LRRC49: variants seen among roughly 807,000 people sequenced by gnomAD.
The protein encoded by LRRC49 is leucine-rich repeat-containing protein 49.
LRRC49 carries 50 observed loss-of-function variants against 83.3 expected under a neutral mutation model. That is an observed-to-expected ratio of 0.60 (90% CI 0.48 to 0.76). LRRC49 has a LOEUF of 0.76. Among genes scored for constraint, LRRC49 ranks in the 30% least tolerant of loss-of-function variants. The probability of loss-of-function intolerance (pLI) is 0.00; values close to 1 mark genes in which losing one functional copy is unlikely to be tolerated. For missense variants in LRRC49, 704 were observed against 809.1 expected (o/e 0.87, Z 1.58); for synonymous variants, 286 against 283.3 (o/e 1.01, Z -0.10).
At chr15:70,896,974 A>C (rs986732438) in intron 3 of LRRC49, among the ~76,000 whole-genome samples, 5 of 152,186 alleles carry the variant, frequency 3.3e-5, no homozygotes, top group Admixed American at 3.3e-4. Context: ...ATTCAGTTCA[A>C]TACTTATTTA....
At chr15:70,914,696 T>C (rs1375951907) in intron 6 of LRRC49, among the ~76,000 whole-genome samples, 2 of 152,226 alleles carry the variant, frequency 1.3e-5, no homozygotes, top group East Asian at 3.8e-4. Context: ...GAGCTTGTGT[T>C]GGTTAACCAT....
At chr15:70,870,972 T>C (rs1481477067) in intron 1 of LRRC49, among the ~76,000 whole-genome samples, 1 of 151,896 alleles carries the variant, frequency 6.6e-6, no homozygotes, top group Non-Finnish European at 1.5e-5. Flanking sequence ...TTTTAGTATT[T>C]ATTGATCATT....
At chr15:70,865,939 T>C (rs4777319) in intron 1 of LRRC49, among the ~76,000 whole-genome samples, 82,988 of 151,840 alleles carry the variant, frequency 0.55, 23,447 homozygotes, top group Admixed American at 0.69. Context: ...CACACTTGGT[T>C]AATAAGTAGG....
intron 8 of LRRC49, among the ~76,000 whole-genome samples, chr15:70,950,950 G>A (rs1596058473): frequency 6.6e-6 from 1 of 152,240 alleles, no homozygotes; most frequent in East Asian, 1.9e-4. Flanking sequence ...GTGAGAGGAA[G>A]GGGTCTGGTT....
intron 5 of LRRC49, among the ~76,000 whole-genome samples, 199 bp downstream of exon 5, chr15:70,904,954 C>A (rs988728852): frequency 2.6e-5 from 4 of 152,094 alleles, no homozygotes; most frequent in Non-Finnish European, 5.9e-5. Flanking sequence ...CACCAGATAA[C>A]GTTTATTATG....
intron 2 of LRRC49, among the ~76,000 whole-genome samples, chr15:70,885,828 GA>G (rs1420951149): frequency 6.6e-6 from 1 of 152,112 alleles, no homozygotes; most frequent in African/African-American, 2.4e-5. Context: ...AAGGATATAG[GA>G]AATTTAAACA....
intron 5 of LRRC49, among the ~76,000 whole-genome samples, chr15:70,909,728 A>G (rs1038001075): frequency 5.3e-5 from 8 of 151,858 alleles, no homozygotes; most frequent in Admixed American, 1.3e-4. Flanking sequence ...GGTCCCAGCT[A>G]CTCGAGAGGC....
chr15:70,967,203 TAGA>T (rs1444165529), intron 9 of LRRC49, among the ~76,000 whole-genome samples: 2 of 152,034 alleles, frequency 1.3e-5, no homozygotes, highest in Admixed American at 1.3e-4. Context: ...CTGAGGGACA[TAGA>T]AGGAGACAAC....
At chr15:70,972,001 A>ATG (rs2037022442) in intron 9 of LRRC49, among the ~76,000 whole-genome samples, 1 of 152,048 alleles carries the variant, frequency 6.6e-6, no homozygotes, top group African/African-American at 2.4e-5. Context: ...TAATATTGTT[A>ATG]TGTGTGAAAT....
At chr15:70,924,780 G>C (rs1165545154) in intron 7 of LRRC49, among the ~76,000 whole-genome samples, 2 of 151,990 alleles carry the variant, frequency 1.3e-5, no homozygotes, top group South Asian at 4.1e-4. Context: ...CTCAGTTTTT[G>C]TTTATCAAAA....
chr15:70,895,434 GT>G (rs1447719033), intron 2 of LRRC49: 1 of 152,896 alleles, frequency 6.5e-6, no homozygotes, highest in African/African-American at 2.4e-5. Context: ...CATTGTATTT[GT>G]GGTGAGAGCG....
chr15:71,011,029 T>A (rs1426670488), intron 13 of LRRC49, among the ~76,000 whole-genome samples: 1 of 152,050 alleles, frequency 6.6e-6, no homozygotes, highest in Non-Finnish European at 1.5e-5. Context: ...CTATATGAAA[T>A]TTGCATCAAC....
chr15:70,892,617 C>T, upstream of LRRC49: 4 of 1,451,122 alleles, frequency 2.8e-6, no homozygotes, highest in South Asian at 5.6e-5. Flanking sequence ...AGCCTCTTCC[C>T]CAGCTTATCC....
intron 8 of LRRC49, among the ~76,000 whole-genome samples, chr15:70,957,492 T>A (rs186220037): frequency 1.4e-4 from 21 of 152,328 alleles, no homozygotes; most frequent in African/African-American, 3.1e-4. Flanking sequence ...ACTTTTTTTT[T>A]AATCAAGGAT....
At chr15:71,025,771 CAA>C (rs2039149361) in intron 14 of LRRC49, among the ~76,000 whole-genome samples, 1 of 149,514 alleles carries the variant, frequency 6.7e-6, no homozygotes. Flanking sequence ...CAACACAGAT[CAA>C]AAAAGACAGA....
intron 2 of LRRC49, among the ~76,000 whole-genome samples, chr15:70,878,988 T>G (rs533016550): frequency 2.0e-5 from 3 of 152,238 alleles, no homozygotes; most frequent in South Asian, 2.1e-4. Context: ...CTCTAGTCCT[T>G]TTCTCTTGGA....
Position 71,049,688 on chromosome 15 carries a change from A to G in LRRC49, c.*76A>G. 1.1e-6 allele frequency: 1 copy of G among 884,338 alleles called. No individual in the cohort carries two copies. The allele number at this position is 884,338 out of a possible 1,614,324, so 54.8% of individuals were successfully genotyped here. A position where few individuals can be genotyped will look rare whatever the true frequency, so the allele number is the denominator to read the frequency against. On this transcript the variant is annotated 3_prime_UTR_variant, in exon 16 of 16. Transcript: ENST00000260382. Reference sequence around the variant, plus strand: ...GAAAATATGCAGGTTATACATGTTAAAACAACAACAACACTATCCTATAAA... The same window carrying G: ...GAAAATATGCAGGTTATACATGTTAGAACAACAACAACACTATCCTATAAA...
At chr15:70,873,085 A>T in exon 2 of LRRC49, 1 of 763,106 alleles carries the variant, frequency 1.3e-6, no homozygotes, top group East Asian at 2.7e-5. Flanking sequence ...GGGTTTCACC[A>T]TCTTGGCCAG....
chr15:70,935,181 A>C (rs1189687610), intron 7 of LRRC49, among the ~76,000 whole-genome samples: 1 of 152,250 alleles, frequency 6.6e-6, no homozygotes, highest in Non-Finnish European at 1.5e-5. Flanking sequence ...AAAAATCATT[A>C]TCTCACATCT....
Sources: gnomAD v4.1 joint callset for allele counts (sites outside exome capture counted in the v4.1 genomes callset) on GRCh38, gnomAD v4.1.1 for gene constraint, MANE v1.5 for transcripts, NCBI Gene and HGNC (gene_info 2026-07-23, HGNC 2026-07-21) for gene names.